CRPPA: variants seen among roughly 807,000 people sequenced by gnomAD.
The protein encoded by CRPPA is D-ribitol-5-phosphate cytidylyltransferase.
A neutral mutation model predicts 52.0 loss-of-function variants in CRPPA; 43 were observed. The observed-to-expected ratio is 0.83, with a 90% CI of 0.65 to 1.07. The LOEUF (loss-of-function observed/expected upper bound fraction) is 1.07, where lower values mean the gene tolerates loss of function less well. Ranked by LOEUF, CRPPA falls within the 50% of genes least tolerant of loss-of-function variation. The probability of loss-of-function intolerance (pLI) is 0.00; values close to 1 mark genes in which losing one functional copy is unlikely to be tolerated. For missense variants in CRPPA, 629 were observed against 551.7 expected (o/e 1.14, Z -1.40); for synonymous variants, 250 against 203.5 (o/e 1.23, Z -1.94).
At chr7:16,205,446 A>AC (rs1181756848) in intron 9 of CRPPA, among the ~76,000 whole-genome samples, 2 of 152,026 alleles carry the variant, frequency 1.3e-5, no homozygotes, top group African/African-American at 2.4e-5. Context: ...TAAAAATTAC[A>AC]CCCCCCACAC....
intron 8 of CRPPA, among the ~76,000 whole-genome samples, chr7:16,221,136 C>A (rs184767008): frequency 6.6e-6 from 1 of 152,082 alleles, no homozygotes; most frequent in Non-Finnish European, 1.5e-5. Flanking sequence ...TCAGAAATAA[C>A]GCCACATATC....
intron 2 of CRPPA, among the ~76,000 whole-genome samples, chr7:16,393,181 A>G (rs1583572965): frequency 1.3e-5 from 2 of 152,306 alleles, no homozygotes; most frequent in Middle Eastern, 3.4e-3. Flanking sequence ...TGCTGGATGG[A>G]TAAGTGATTG....
chr7:16,302,702 C>T (rs993682668), intron 4 of CRPPA, among the ~76,000 whole-genome samples: 5 of 152,128 alleles, frequency 3.3e-5, no homozygotes, highest in Non-Finnish European at 7.3e-5. Context: ...AGGTGAGTGC[C>T]AGGTGTTGGG....
At chr7:16,316,062 A>G (rs1218520878) in intron 3 of CRPPA, among the ~76,000 whole-genome samples, 1 of 152,168 alleles carries the variant, frequency 6.6e-6, no homozygotes, top group East Asian at 1.9e-4. Flanking sequence ...TTTTTCAGGA[A>G]ACTATAGTAG....
chr7:16,380,690 G>A (rs1008823356), intron 2 of CRPPA, among the ~76,000 whole-genome samples: 11 of 152,176 alleles, frequency 7.2e-5, no homozygotes, highest in Admixed American at 2.0e-4. Flanking sequence ...TCTACTCAGC[G>A]ATTCAACTTC....
chr7:16,266,800 G>A (rs927516439), intron 6 of CRPPA, among the ~76,000 whole-genome samples: 9 of 152,124 alleles, frequency 5.9e-5, no homozygotes, highest in Admixed American at 3.9e-4. Flanking sequence ...TGCATCCAAA[G>A]TTGGATAGTA....
At chr7:16,382,022 G>A (rs916347367) in intron 2 of CRPPA, among the ~76,000 whole-genome samples, 4 of 151,696 alleles carry the variant, frequency 2.6e-5, no homozygotes, top group Admixed American at 6.6e-5. Flanking sequence ...GTGTGAATTT[G>A]ATCCTGTCAT....
intron 9 of CRPPA, among the ~76,000 whole-genome samples, chr7:16,111,206 T>C (rs888325043): frequency 2.6e-5 from 4 of 151,762 alleles, no homozygotes; most frequent in African/African-American, 4.8e-5. Context: ...ACTAGAGAAA[T>C]GCAAATTTAA....
At chr7:16,281,499 C>G (rs1213891794) in intron 5 of CRPPA, among the ~76,000 whole-genome samples, 1 of 151,988 alleles carries the variant, frequency 6.6e-6, no homozygotes, top group Non-Finnish European at 1.5e-5. Flanking sequence ...ATAATTTTAT[C>G]TGATAATGAA....
chr7:16,239,547 A>G (rs1183434677), intron 8 of CRPPA, among the ~76,000 whole-genome samples: 2 of 143,904 alleles, frequency 1.4e-5, no homozygotes, highest in African/African-American at 2.6e-5. Flanking sequence ...TTATTTAAAT[A>G]GAAGTCAATA....
At chr7:16,128,394 C>A (rs1477307679) in intron 9 of CRPPA, among the ~76,000 whole-genome samples, 2 of 152,018 alleles carry the variant, frequency 1.3e-5, no homozygotes, top group Non-Finnish European at 2.9e-5. Flanking sequence ...CCTATTTTTT[C>A]TTCTTTTTTC....
chr7:16,306,132 A>C (rs1451022187), intron 4 of CRPPA, among the ~76,000 whole-genome samples: 1 of 152,138 alleles, frequency 6.6e-6, no homozygotes, highest in Non-Finnish European at 1.5e-5. Flanking sequence ...TATTAGTCAT[A>C]TTAGCTTTAG....
chr7:16,182,025 T>G (rs1781421866), intron 9 of CRPPA, among the ~76,000 whole-genome samples: 1 of 151,950 alleles, frequency 6.6e-6, no homozygotes, highest in Admixed American at 6.6e-5. Flanking sequence ...TTTATAAACC[T>G]AATATGTAAT....
At chr7:16,152,273 G>A (rs1206512226) in intron 9 of CRPPA, among the ~76,000 whole-genome samples, 1 of 151,122 alleles carries the variant, frequency 6.6e-6, no homozygotes, top group African/African-American at 2.4e-5. Flanking sequence ...ATGTTAATTT[G>A]ATGTACATTA....
chr7:16,089,273 T>C lies in CRPPA; in HGVS notation c.*2422A>G, dbSNP rs1197082860. On this transcript the variant is annotated 3_prime_UTR_variant, in exon 10 of 10. Coordinates refer to ENST00000407010, the MANE Select transcript of CRPPA (RefSeq NM_001101426.4). ...ATGTGTGTATGCGTACGTATATACATATATGTGTGTATGCGTACGTATATA... is the reference window on the plus strand; with the variant it reads ...ATGTGTGTATGCGTACGTATATACACATATGTGTGTATGCGTACGTATATA... The C allele has an allele frequency of 5.5e-6, 2 of 365,244 alleles. No individual in the cohort carries two copies. Among genetic ancestry groups the C allele is most frequent in the Admixed American group, 3.0e-5 (1 of 33,016 alleles). The allele number at this position is 365,244 out of a possible 1,614,324, so 22.6% of individuals were successfully genotyped here.
chr7:16,247,188 T>C (rs917174027), intron 8 of CRPPA, among the ~76,000 whole-genome samples: 1 of 152,250 alleles, frequency 6.6e-6, no homozygotes, highest in Non-Finnish European at 1.5e-5. Context: ...ATGAATAAAC[T>C]GCTAGCTTCA....
intron 4 of CRPPA, 79 bp from the exon 5 acceptor site, chr7:16,301,545 ATTC>A: frequency 9.6e-7 from 1 of 1,037,912 alleles, no homozygotes; most frequent in East Asian, 2.5e-5. Flanking sequence ...CCCCAAGGAA[ATTC>A]TTGATTTTTC....
Position 16,286,097 on chromosome 7 carries a change from A to AAATATATATATATATATAT in CRPPA, c.836-7872_836-7871insATATATATATATATATATT. 1.5e-3 allele frequency among the ~76,000 whole-genome samples: 58 copies of AAATATATATATATATATAT among 39,112 alleles called. 6 individuals carry two copies. The highest frequency in any genetic ancestry group is 4.4e-3 in the African/African-American group (24 of 5,446). The allele number at this position is 39,112 out of a possible 152,430, so 25.7% of individuals were successfully genotyped here. A position where few individuals can be genotyped will look rare whatever the true frequency, so the allele number is the denominator to read the frequency against. ...TATATATATAATATTTAAAAAAAAA[A>AAATATATATATATATATAT]ATATATATATATATATATATGCCAA... On this transcript the variant is annotated intron_variant, in intron 5 of 9. Transcript: ENST00000407010.
intron 8 of CRPPA, chr7:16,216,694 A>T (rs1349715106): frequency 6.5e-6 from 1 of 154,286 alleles, no homozygotes; most frequent in Non-Finnish European, 1.4e-5. Flanking sequence ...GCACCTGGAA[A>T]ATCGGGTCAC....
Sources: allele counts gnomAD v4.1 joint callset (sites outside exome capture counted in the v4.1 genomes callset), GRCh38; gene constraint gnomAD v4.1.1; transcripts MANE v1.5; gene names NCBI Gene and HGNC (gene_info 2026-07-23, HGNC 2026-07-21).